Variants in DCAF6 observed in about 807,000 individuals in gnomAD.
DCAF6 encodes DDB1 and CUL4 associated factor 6.
Under a neutral mutation model 125.1 loss-of-function variants are expected in DCAF6, and 54 were observed. That is an observed-to-expected ratio of 0.43 (90% CI 0.35 to 0.54). The LOEUF (loss-of-function observed/expected upper bound fraction) is 0.54. DCAF6 is among the 20% of genes least tolerant of loss of function. The pLI is 0.01. For missense variants in DCAF6, 934 were observed against 1,161.7 expected, an observed-to-expected ratio of 0.80 and a Z score of 2.85; for synonymous variants, 371 against 390.4, an observed-to-expected ratio of 0.95 and a Z score of 0.58.
chr1:167,951,737 T>C (rs1673980269), intron 1 of DCAF6, 63 bp from the exon 2 acceptor site: 1 of 1,087,678 alleles, frequency 9.2e-7, no homozygotes, highest in South Asian at 1.3e-5. Flanking sequence ...GCTCCTAATT[T>C]CTGTGTTATA....
At chr1:167,991,416 A>T (rs1680815070) in intron 6 of DCAF6, 77 bp downstream of exon 6, 1 of 1,386,906 alleles carries the variant, frequency 7.2e-7, no homozygotes. Flanking sequence ...CAGTTTTAAA[A>T]TTTCTTGTTT....
Position 168,003,880 on chromosome 1 carries a change from T to G in DCAF6, c.1008T>G (p.Ser336Arg), listed in dbSNP as rs1403488202. ...CCTATATTGTAATAGGAGAGCAGAG[T>G]CCCAATGTGTCATTGATGCAGAGAA... Reference protein sequence around the residue: ...ESERERDGEQSPNVSLMQRMS... With the variant: ...ESERERDGEQRPNVSLMQRMS... The change falls in exon 9 of 22, where the codon AGT (serine) becomes AGG (arginine). Residue 336 changes from serine (S) to arginine (R), a missense_variant. Around this residue, in one of 5 missense-constraint regions of DCAF6, gnomAD observed 559 missense variants for 635.5 expected, o/e 0.88. Transcript: ENST00000367840. 5.0e-6 allele frequency: 8 copies of G among 1,610,400 alleles called. No individual in the cohort carries two copies. The highest frequency in any genetic ancestry group is 6.8e-6 in the Non-Finnish European group (8 of 1,178,680).
chr1:167,876,068 C>G, the DCAF6 span, among the ~76,000 whole-genome samples: 3 of 152,170 alleles, frequency 2.0e-5, no homozygotes, highest in Non-Finnish European at 4.4e-5. Flanking sequence ...ACCAGCCTGA[C>G]CAACATGGTG....
intron 17 of DCAF6, among the ~76,000 whole-genome samples, chr1:168,051,180 G>A (rs1689882477): frequency 6.6e-6 from 1 of 152,184 alleles, no homozygotes; most frequent in African/African-American, 2.4e-5. Flanking sequence ...ATGTCATATG[G>A]CAAAGTAACT....
intron 3 of DCAF6, among the ~76,000 whole-genome samples, chr1:167,972,253 G>C (rs1263548609): frequency 6.6e-6 from 1 of 152,162 alleles, no homozygotes; most frequent in Non-Finnish European, 1.5e-5. Flanking sequence ...CATATTGGCT[G>C]TATAGATTTG....
intron 2 of DCAF6, among the ~76,000 whole-genome samples, chr1:167,953,858 A>G (rs1309342015): frequency 6.6e-6 from 1 of 151,858 alleles, no homozygotes; most frequent in Non-Finnish European, 1.5e-5. Context: ...CTTGGCCTCC[A>G]AAAGTGCTGG....
At chr1:168,019,036 A>G (rs979122104) in intron 11 of DCAF6, among the ~76,000 whole-genome samples, 2 of 151,966 alleles carry the variant, frequency 1.3e-5, no homozygotes, top group African/African-American at 4.8e-5. Context: ...ACACATGATA[A>G]TGTACTCTCT....
intron 11 of DCAF6, 67 bp downstream of exon 11, chr1:168,016,018 A>G (rs1684923406): frequency 7.8e-6 from 10 of 1,281,770 alleles, no homozygotes; most frequent in Non-Finnish European, 9.1e-6. Context: ...CTGTGTAATA[A>G]GGTGCTTCCC....
intron 10 of DCAF6, among the ~76,000 whole-genome samples, chr1:168,006,276 TGAA>T (rs547357224): frequency 2.1e-3 from 322 of 152,290 alleles, no homozygotes; most frequent in African/African-American, 7.4e-3. Flanking sequence ...TTTGAATTAT[TGAA>T]GAAGAAAAAA....
At chr1:167,915,636 A>G in the DCAF6 span, among the ~76,000 whole-genome samples, 2 of 152,108 alleles carry the variant, frequency 1.3e-5, no homozygotes, top group Admixed American at 6.6e-5. Flanking sequence ...TATTTAGTAG[A>G]GATGCGGTTT....
chr1:167,966,070 A>G (rs1434411344), intron 2 of DCAF6, among the ~76,000 whole-genome samples: 4 of 152,196 alleles, frequency 2.6e-5, no homozygotes, highest in Non-Finnish European at 4.4e-5. Context: ...CTGGTAAGCC[A>G]AGACTCCTTG....
chr1:168,055,339 T>TTG (rs1558037252), intron 17 of DCAF6, among the ~76,000 whole-genome samples: 2 of 11,020 alleles, frequency 1.8e-4, no homozygotes, highest in Non-Finnish European at 1.7e-4. Flanking sequence ...AAGTTTTTTT[T>TTG]TTTTTTTTTT....
chr1:167,932,640 C>G (rs1013984265), upstream of DCAF6, among the ~76,000 whole-genome samples: 1 of 151,918 alleles, frequency 6.6e-6, no homozygotes, highest in African/African-American at 2.4e-5. Context: ...GAAACCCCAT[C>G]TCTACTAAAA....
the DCAF6 span, among the ~76,000 whole-genome samples, chr1:167,884,470 T>C: frequency 1.1e-4 from 16 of 152,334 alleles, no homozygotes; most frequent in Middle Eastern, 3.4e-3. Flanking sequence ...GGGATTATAA[T>C]TCAACATGAG....
chr1:167,870,294 T>G, the DCAF6 span: 5 of 1,614,098 alleles, frequency 3.1e-6, no homozygotes, highest in Non-Finnish European at 4.2e-6. Context: ...TCAATTTTCA[T>G]AAGTATCTGG....
At chr1:167,978,226 G>A (rs1020244595) in intron 4 of DCAF6, among the ~76,000 whole-genome samples, 3 of 152,166 alleles carry the variant, frequency 2.0e-5, no homozygotes, top group Admixed American at 6.5e-5. Flanking sequence ...ATTTGTTAGG[G>A]TGTATACTTA....
chr1:168,022,828 G>T (rs1250730548), intron 11 of DCAF6, among the ~76,000 whole-genome samples, 160 bp from the exon 12 acceptor site: 2 of 152,346 alleles, frequency 1.3e-5, no homozygotes, highest in East Asian at 1.9e-4. Flanking sequence ...CATATCTTAA[G>T]CACATGGCCC....
intron 17 of DCAF6, among the ~76,000 whole-genome samples, chr1:168,062,824 C>T (rs547121778): frequency 6.6e-6 from 1 of 151,840 alleles, no homozygotes; most frequent in Non-Finnish European, 1.5e-5. Flanking sequence ...AGAGTAAAAT[C>T]TGCTTCATTA....
chr1:168,042,937 C>A, intron 13 of DCAF6, 88 bp from the exon 14 acceptor site: 1 of 901,150 alleles, frequency 1.1e-6, no homozygotes, highest in Non-Finnish European at 1.7e-6. Context: ...ATTTTTTGGT[C>A]TACCTTTCTA....
Sources: allele counts gnomAD v4.1 joint callset (sites outside exome capture counted in the v4.1 genomes callset), GRCh38; gene constraint gnomAD v4.1.1; regional missense constraint gnomAD v4.1.1; transcripts MANE v1.5; gene names NCBI Gene and HGNC (gene_info 2026-07-23, HGNC 2026-07-21).